The following DSCAML1 variants were observed in gnomAD, a reference collection of about 807,000 sequenced individuals.
The protein encoded by DSCAML1 is DS cell adhesion molecule like 1, also known as cell adhesion molecule DSCAML1.
In DSCAML1, 38 loss-of-function variants were observed where a neutral mutation model predicts 200.5. The ratio of observed to expected loss-of-function variants is 0.19; its 90% CI spans 0.15 to 0.25. The LOEUF (loss-of-function observed/expected upper bound fraction) is 0.25. DSCAML1 is among the 10% of genes least tolerant of loss of function. The pLI is 1.00. For synonymous variants in DSCAML1, 1,215 were observed against 1,165.0 expected (o/e 1.04, Z -0.87); for missense variants, 2,223 against 2,858.8 (o/e 0.78, Z 5.07).
chr11:117,665,405 G>A (rs2052955515), intron 3 of DSCAML1, among the ~76,000 whole-genome samples: 1 of 152,250 alleles, frequency 6.6e-6, no homozygotes, highest in African/African-American at 2.4e-5. Flanking sequence ...AACCCTTCCT[G>A]TGGGCACAGA....
chr11:117,734,136 T>G (rs2054276401), intron 3 of DSCAML1, among the ~76,000 whole-genome samples: 1 of 152,230 alleles, frequency 6.6e-6, no homozygotes, highest in Non-Finnish European at 1.5e-5. Flanking sequence ...GCATCTTGTC[T>G]TTTGGGGGAC....
rs754250214 is a variant in DSCAML1 at position 117,505,535 on chromosome 11, G to A, written c.1981C>T (p.Leu661Phe). 6.2e-7 allele frequency: 1 copy of A among 1,613,552 alleles called. No homozygotes were observed. ...CATGTATAGTTGCCGTTGTGCTTGA[G>A]GGAGACGCTAGAGATCTGCAGGGAG... ...MSSLQISSVSLKHNGNYTCIA... is the reference protein window; with the variant it reads ...MSSLQISSVSFKHNGNYTCIA... Residue 661 changes from leucine (L) to phenylalanine (F), a missense_variant, in exon 9 of 33, where the codon CTC (leucine) becomes TTC (phenylalanine). Coordinates refer to ENST00000651296, the MANE Select transcript of DSCAML1 (RefSeq NM_020693.4). The surrounding 1 kb of genome is among the most constrained non-coding windows in gnomAD (Gnocchi z 6.7).
chr11:117,752,576 G>A (rs7116258), intron 3 of DSCAML1, among the ~76,000 whole-genome samples: 2,607 of 152,262 alleles, frequency 0.017, 60 homozygotes, highest in African/African-American at 0.059. Flanking sequence ...GAGGCAGCCC[G>A]AGAATGTCTT....
At chr11:117,796,717 G>A (rs909204234) in intron 1 of DSCAML1, among the ~76,000 whole-genome samples, 3 of 152,248 alleles carry the variant, frequency 2.0e-5, no homozygotes, top group Non-Finnish European at 4.4e-5. Flanking sequence ...CGCAGGAAGA[G>A]GGCAAGGGGC....
At chr11:117,675,442 C>T (rs1041504434) in intron 3 of DSCAML1, among the ~76,000 whole-genome samples, 2 of 145,064 alleles carry the variant, frequency 1.4e-5, no homozygotes, top group Non-Finnish European at 3.0e-5. Flanking sequence ...GGACAACAGG[C>T]GTGTGCCCCT....
At chr11:117,574,766 G>A (rs2050903807) in intron 3 of DSCAML1, among the ~76,000 whole-genome samples, 1 of 152,178 alleles carries the variant, frequency 6.6e-6, no homozygotes, top group South Asian at 2.1e-4. Flanking sequence ...CTGGGCACCA[G>A]CACCAGCCAG....
intron 11 of DSCAML1, among the ~76,000 whole-genome samples, chr11:117,488,795 C>T (rs1219549213): frequency 6.6e-6 from 1 of 152,222 alleles, no homozygotes; most frequent in Admixed American, 6.5e-5. Context: ...TGTATAGTTC[C>T]CTTTTATTGG....
intron 3 of DSCAML1, among the ~76,000 whole-genome samples, chr11:117,682,784 A>C: frequency 6.6e-6 from 1 of 152,196 alleles, no homozygotes; most frequent in Non-Finnish European, 1.5e-5. Context: ...TGACTCTCTC[A>C]GGAAAAACTG....
At chr11:117,749,717 C>T (rs193262616) in intron 3 of DSCAML1, among the ~76,000 whole-genome samples, 36 of 152,342 alleles carry the variant, frequency 2.4e-4, no homozygotes, top group Admixed American at 2.2e-3. Context: ...AGAACCAGCA[C>T]GGTCGGGCTG....
At chr11:117,456,349 G>A (rs2048367924) in intron 19 of DSCAML1, among the ~76,000 whole-genome samples, 2 of 152,198 alleles carry the variant, frequency 1.3e-5, no homozygotes, top group Non-Finnish European at 2.9e-5. Flanking sequence ...TGTGCTTATT[G>A]CTGAAATGTT....
At chr11:117,656,543 CT>C (rs1390284762) in intron 3 of DSCAML1, among the ~76,000 whole-genome samples, 21 of 151,522 alleles carry the variant, frequency 1.4e-4, no homozygotes, top group African/African-American at 4.4e-4. Context: ...ATCTATCTAT[CT>C]ATCCATCCAT....
chr11:117,466,296 G>A (rs12420972), intron 16 of DSCAML1, among the ~76,000 whole-genome samples: 20,951 of 152,254 alleles, frequency 0.14, 1,666 homozygotes, highest in Admixed American at 0.2. Flanking sequence ...ATCCGTCACA[G>A]CGCGGATGAA....
Position 117,642,958 on chromosome 11 carries a change from G to C in DSCAML1, c.512-110436C>G, listed in dbSNP as rs564991108. Among the ~76,000 whole-genome samples the C allele has an allele frequency of 1.2e-4, 19 of 152,132 alleles. No homozygotes were observed. Among genetic ancestry groups the C allele is most frequent in the African/African-American group, 4.3e-4 (18 of 41,412 alleles). ...TTCCCCAACCTTCCTCACCAGAAAC[G>C]CAAAACTCCTTTGATTTGCCTGTAT... On this transcript the variant is annotated intron_variant, in intron 3 of 32. Transcript: ENST00000651296. This position sits in a 1 kb window ranked among gnomAD's most constrained non-coding sequence, Gnocchi z 4.1.
intron 1 of DSCAML1, among the ~76,000 whole-genome samples, chr11:117,788,472 G>A (rs531557575): frequency 5.5e-4 from 84 of 152,128 alleles, no homozygotes; most frequent in African/African-American, 1.9e-3. Flanking sequence ...GATTACAGGC[G>A]TGCACCACCA....
intron 3 of DSCAML1, among the ~76,000 whole-genome samples, chr11:117,676,506 A>G (rs926524399): frequency 6.6e-6 from 1 of 152,158 alleles, no homozygotes; most frequent in Non-Finnish European, 1.5e-5. Context: ...CTGCCTCTCC[A>G]GCCCTCTTTT....
intron 1 of DSCAML1, among the ~76,000 whole-genome samples, chr11:117,808,984 G>A (rs1053719516): frequency 6.6e-5 from 10 of 152,276 alleles, no homozygotes; most frequent in East Asian, 1.9e-4. Context: ...CTGCCCAGGT[G>A]GTCAGTGACC....
rs375727723 is a variant in DSCAML1 at position 117,720,114 on chromosome 11, T to C, written c.511+56677A>G. On this transcript the variant is annotated intron_variant, in intron 3 of 32. Coordinates refer to ENST00000651296, the MANE Select transcript of DSCAML1 (RefSeq NM_020693.4). ...AGCTGGAAGGACAGAACCCCCACCC[T>C]GTGCCGAGTCAGCACTGGCATGCCC... is the stretch of plus-strand genomic sequence containing the variant. Among the ~76,000 whole-genome samples the C allele has an allele frequency of 3.2e-4, 48 of 152,168 alleles. 1 individual carries two copies. The East Asian group carries it at 8.0e-3, about 25-fold the overall frequency.
intron 3 of DSCAML1, among the ~76,000 whole-genome samples, chr11:117,615,601 C>T (rs1240871412): frequency 3.3e-5 from 5 of 151,852 alleles, no homozygotes; most frequent in African/African-American, 4.8e-5. Flanking sequence ...TGTTGGTGGT[C>T]GCCAGCTGTT....
At chr11:117,578,236 G>GAAAAAAA (rs59533726) in intron 3 of DSCAML1, among the ~76,000 whole-genome samples, 14 of 101,400 alleles carry the variant, frequency 1.4e-4, no homozygotes, top group East Asian at 3.1e-4. Flanking sequence ...ACTCTGTCTC[G>GAAAAAAA]AAAAAAAAAA....
Sources: gnomAD v4.1 joint callset for allele counts (sites outside exome capture counted in the v4.1 genomes callset) on GRCh38, gnomAD v4.1.1 for gene constraint, Gnocchi (gnomAD v3.1) non-coding constraint, MANE v1.5 for transcripts, NCBI Gene and HGNC (gene_info 2026-07-23, HGNC 2026-07-21) for gene names.